Variants in ACOX3 observed in about 807,000 individuals in gnomAD.
ACOX3 encodes the protein peroxisomal acyl-coenzyme A oxidase 3.
Under a neutral mutation model 81.5 loss-of-function variants are expected in ACOX3, and 73 were observed. The ratio of observed to expected loss-of-function variants is 0.90; its 90% CI spans 0.74 to 1.09. ACOX3 has a LOEUF of 1.09. Among genes scored for constraint, ACOX3 ranks in the 50% least tolerant of loss-of-function variants. The pLI, the probability that ACOX3 is intolerant of heterozygous loss-of-function variation, is 0.00. For synonymous variants in ACOX3, 387 were observed against 375.1 expected (o/e 1.03, Z -0.37); for missense variants, 947 against 928.0 (o/e 1.02, Z -0.27).
At chr4:8,388,670 G>A (rs1313367752) in intron 13 of ACOX3, among the ~76,000 whole-genome samples, 5 of 152,232 alleles carry the variant, frequency 3.3e-5, no homozygotes, top group South Asian at 2.1e-4. Flanking sequence ...CCCGACCACC[G>A]CACCCACAGG....
intron 1 of ACOX3, among the ~76,000 whole-genome samples, chr4:8,426,338 G>C (rs948522674): frequency 6.6e-6 from 1 of 152,072 alleles, no homozygotes; most frequent in Admixed American, 6.5e-5. Context: ...TGCAGTTAAA[G>C]TGTCTGGAGT....
rs1719094883 is a variant in ACOX3 at position 8,392,348 on chromosome 4, GTCC to G, written c.1282_1284del (p.Gly428del). Reference sequence around the variant, plus strand: ...CAAAACCTACTGGCCAGATAGCCGTGTCCTCCACACGCCTCCCGGCATTCCTGA... The same window carrying G: ...CAAAACCTACTGGCCAGATAGCCGTGTCCACACGCCTCCCGGCATTCCTGA... On this transcript the variant is annotated inframe_deletion, in exon 11 of 18. Transcript: ENST00000356406. The G allele has an allele frequency of 6.3e-7, 1 of 1,593,978 alleles. No homozygotes were observed. Among genetic ancestry groups the G allele is most frequent in the African/African-American group, 1.4e-5 (1 of 74,014 alleles).
chr4:8,421,781 T>C (rs73087795), intron 1 of ACOX3, among the ~76,000 whole-genome samples: 1 of 152,164 alleles, frequency 6.6e-6, no homozygotes, highest in Non-Finnish European at 1.5e-5. Flanking sequence ...GCTCTCGACA[T>C]GGGAAGTTAT....
chr4:8,390,371 G>T (rs1307530855), intron 11 of ACOX3, among the ~76,000 whole-genome samples: 1 of 150,308 alleles, frequency 6.7e-6, no homozygotes, highest in African/African-American at 2.4e-5. Flanking sequence ...AACTCAGCTT[G>T]ACCAGACACA....
In ACOX3 at chr4:8,407,774, G is replaced by T. The variant is rs960265154; in HGVS notation, c.688-1731C>A. ...AAGATACAGGTCCAGCCAGCTAATG[G>T]CTGCGCACTGTGGGAACTCGACGGA... is the stretch of plus-strand genomic sequence containing the variant. On this transcript the variant is annotated intron_variant, in intron 6 of 17. Transcript: ENST00000356406. The surrounding 1 kb of genome is among the most constrained non-coding windows in gnomAD (Gnocchi z 4.6). Among the ~76,000 whole-genome samples the T allele has an allele frequency of 6.6e-6, 1 of 152,216 alleles. No homozygotes were observed. Among genetic ancestry groups the T allele is most frequent in the African/African-American group, 2.4e-5 (1 of 41,460 alleles).
Position 8,392,361 on chromosome 4 carries a change from C to T in ACOX3, c.1272G>A (p.Glu424=), listed in dbSNP as rs747096803. ...CCAGATAGCCGTGTCCTCCACACGC[C>T]TCCCGGCATTCCTGAATTCCTTGCT... ...TTQQGIQECR[E]ACGGHGYLAM... Residue 424 remains glutamate (E), a synonymous_variant, in exon 11 of 18, where the codon GAG becomes GAA. Coordinates refer to ENST00000356406, the MANE Select transcript of ACOX3 (RefSeq NM_003501.3). 5.0e-6 allele frequency: 8 copies of T among 1,605,906 alleles called. No homozygotes were observed. The South Asian group carries it at 8.9e-5, about 18-fold the overall frequency.
At chr4:8,396,437 G>A (rs1719695924) in intron 9 of ACOX3, among the ~76,000 whole-genome samples, 1 of 152,176 alleles carries the variant, frequency 6.6e-6, no homozygotes, top group African/African-American at 2.4e-5. Context: ...AGCACTTTGG[G>A]AGGCTGAGGC....
At position 8,412,683 on chromosome 4, in the gene ACOX3, T is replaced by C. The variant is rs182348247; in HGVS notation, c.543+1609A>G. ...CCAATGGGGGAGGGTGGAAGGCGGG[T>C]GAGGAAAGACTGGCAGGGAGACCTA... is the stretch of plus-strand genomic sequence containing the variant. On this transcript the variant is annotated intron_variant, in intron 5 of 17. Coordinates refer to ENST00000356406, the MANE Select transcript of ACOX3 (RefSeq NM_003501.3). 1.5e-4 allele frequency among the ~76,000 whole-genome samples: 23 copies of C among 152,038 alleles called. 1 individual carries two copies. The East Asian group carries it at 4.5e-3, about 29-fold the overall frequency.
At position 8,405,877 on chromosome 4, in the gene ACOX3, G is replaced by C; in HGVS notation, c.776+78C>G. 1 of 1,411,134 alleles carries C rather than the reference G, an allele frequency of 7.1e-7. No individual in the cohort carries two copies. The highest frequency in any genetic ancestry group is 1.0e-6 in the Non-Finnish European group (1 of 996,660). The allele number at this position is 1,411,134 out of a possible 1,614,324, so 87.4% of individuals were successfully genotyped here. On this transcript the variant is annotated intron_variant, in intron 7 of 17. Coordinates refer to ENST00000356406, the MANE Select transcript of ACOX3 (RefSeq NM_003501.3). This position sits in a 1 kb window ranked among gnomAD's most constrained non-coding sequence, Gnocchi z 7.1. ...GCAGGGCATGGCATCCATGGGGCCA[G>C]TGAGATCTCAGACATGAGCGACAAC...
rs1717721661 is a variant in ACOX3 at position 8,382,021 on chromosome 4, G to T, written c.1538-414C>A. Among the ~76,000 whole-genome samples the T allele has an allele frequency of 1.3e-5, 2 of 152,260 alleles. No individual in the cohort carries two copies. The highest frequency in any genetic ancestry group is 3.8e-4 in the East Asian group (2 of 5,198). ...GCATGGGCAGCAGGACAACTGGCCG[G>T]CGGTGGCGCCCAGTGGCGAGAGGAA... On this transcript the variant is annotated intron_variant, in intron 13 of 17. Coordinates refer to ENST00000356406, the MANE Select transcript of ACOX3 (RefSeq NM_003501.3). The surrounding 1 kb of genome is among the most constrained non-coding windows in gnomAD (Gnocchi z 4.1).
the ACOX3 span, chr4:8,357,399 T>C: frequency 2.8e-6 from 1 of 362,578 alleles, no homozygotes; most frequent in Non-Finnish European, 5.5e-6. Context: ...TCTGGGCCCC[T>C]GTGGCCCAAA....
At chr4:8,433,242 T>G (rs1724048267) in intron 1 of ACOX3, among the ~76,000 whole-genome samples, 1 of 152,240 alleles carries the variant, frequency 6.6e-6, no homozygotes, top group African/African-American at 2.4e-5. Flanking sequence ...AGTGACTGTT[T>G]CATTCAGCAG....
chr4:8,388,375 G>A (rs1718552416), intron 13 of ACOX3, among the ~76,000 whole-genome samples: 1 of 152,262 alleles, frequency 6.6e-6, no homozygotes, highest in Non-Finnish European at 1.5e-5. Context: ...CCCCAGAACT[G>A]CAGAGTGAGC....
At position 8,430,715 on chromosome 4, in the gene ACOX3, G is replaced by T. The variant is rs1434200711; in HGVS notation, c.-15+9933C>A. Among the ~76,000 whole-genome samples the T allele has an allele frequency of 6.6e-6, 1 of 152,142 alleles. No individual in the cohort carries two copies. The highest frequency in any genetic ancestry group is 2.4e-5 in the African/African-American group (1 of 41,430). On this transcript the variant is annotated intron_variant, in intron 1 of 17. Transcript: ENST00000356406. This position sits in a 1 kb window ranked among gnomAD's most constrained non-coding sequence, Gnocchi z 5.2. The stretch of plus-strand genomic sequence containing the variant: ...TACTAAAAATACAAAAATTAGCTGG[G>T]CATGGTGGCGGGCGCCTGTAATCCC...
chr4:8,370,457 G>A lies in ACOX3; in HGVS notation c.1983+451C>T, dbSNP rs1716036357. ...TTGGGGGAAAGCGGGGCAGGGGAGA[G>A]TAACCCCGGTGACAACCATGGATGG... On this transcript the variant is annotated intron_variant, in intron 17 of 17. Transcript: ENST00000356406. This position sits in a 1 kb window ranked among gnomAD's most constrained non-coding sequence, Gnocchi z 6.3. Among the ~76,000 whole-genome samples the A allele has an allele frequency of 6.6e-6, 1 of 152,016 alleles. No homozygotes were observed. Among genetic ancestry groups the A allele is most frequent in the Admixed American group, 6.5e-5 (1 of 15,278 alleles).
At chr4:8,397,631 G>A (rs892905388) in intron 8 of ACOX3, among the ~76,000 whole-genome samples, 4 of 152,208 alleles carry the variant, frequency 2.6e-5, no homozygotes, top group Non-Finnish European at 5.9e-5. Flanking sequence ...CTATCTCCTC[G>A]CACGCATCAG....
At position 8,437,132 on chromosome 4, in the gene ACOX3, T is replaced by C. The variant is rs1724298990; in HGVS notation, c.-15+3516A>G. On this transcript the variant is annotated intron_variant, in intron 1 of 17. Coordinates refer to ENST00000356406, the MANE Select transcript of ACOX3 (RefSeq NM_003501.3). This position sits in a 1 kb window ranked among gnomAD's most constrained non-coding sequence, Gnocchi z 5.2. ...ATATATGTAAAAAAATATATGTAAA[T>C]ATATATATAAATATATATATAGTGA... Among the ~76,000 whole-genome samples, 1 of 139,998 alleles carries C rather than the reference T, an allele frequency of 7.1e-6. No homozygotes were observed. Among genetic ancestry groups the C allele is most frequent in the African/African-American group, 2.7e-5 (1 of 37,498 alleles). 91.8% of individuals were successfully genotyped at this position (139,998 alleles called of 152,430 possible).
At chr4:8,410,759 T>G (rs906766878) in intron 5 of ACOX3, among the ~76,000 whole-genome samples, 6 of 152,252 alleles carry the variant, frequency 3.9e-5, no homozygotes, top group African/African-American at 1.4e-4. Context: ...TCCACTCAGT[T>G]CTTTAGGACC....
intron 14 of ACOX3, among the ~76,000 whole-genome samples, chr4:8,375,796 C>A (rs894126763): frequency 9.9e-5 from 15 of 152,208 alleles, no homozygotes; most frequent in African/African-American, 3.6e-4. Flanking sequence ...CATTAGTCTG[C>A]TGAGGATAAT....
Sources: gnomAD v4.1 joint callset for allele counts (sites outside exome capture counted in the v4.1 genomes callset) on GRCh38, gnomAD v4.1.1 for gene constraint, Gnocchi (gnomAD v3.1) non-coding constraint, MANE v1.5 for transcripts, NCBI Gene and HGNC (gene_info 2026-07-23, HGNC 2026-07-21) for gene names.